The following GRM8 variants were observed in gnomAD, a reference collection of about 807,000 sequenced individuals.
The protein encoded by GRM8 is glutamate metabotropic receptor 8, also known as metabotropic glutamate receptor 8.
A neutral mutation model predicts 87.2 loss-of-function variants in GRM8; 47 were observed. The observed-to-expected ratio is 0.54, with a 90% CI of 0.43 to 0.69. GRM8 has a LOEUF of 0.69. Ranked by LOEUF, GRM8 falls within the 30% of genes least tolerant of loss-of-function variation. The pLI is 0.00. For missense variants in GRM8, 1,019 were observed against 1,139.2 expected (o/e 0.89, Z 1.52); for synonymous variants, 396 against 404.5 (o/e 0.98, Z 0.25).
rs538225521 is a variant in GRM8, at chr7:126,662,648, G to A, written c.1358-53150C>T. Among the ~76,000 whole-genome samples, 5 of 152,296 alleles carry A rather than the reference G, an allele frequency of 3.3e-5. No individual in the cohort carries two copies. In the East Asian group the frequency reaches 9.6e-4, roughly 29 times the overall value. On this transcript the variant is annotated intron_variant, in intron 7 of 10. Transcript: ENST00000339582. Reference sequence around the variant, plus strand: ...AAGGACAAATAGTACAGAGGAGAATGTTCCTAAACTTAGAGTCAGGAAAGC... The same window carrying A: ...AAGGACAAATAGTACAGAGGAGAATATTCCTAAACTTAGAGTCAGGAAAGC...
chr7:126,581,946 T>G (rs1475293369), intron 8 of GRM8, among the ~76,000 whole-genome samples: 2 of 152,124 alleles, frequency 1.3e-5, no homozygotes, highest in African/African-American at 4.8e-5. Context: ...ATACCTCTCT[T>G]TGGGCCTTGA....
At chr7:126,971,180 A>C (rs7801389) in intron 3 of GRM8, among the ~76,000 whole-genome samples, 2,202 of 133,162 alleles carry the variant, frequency 0.017, 45 homozygotes, top group African/African-American at 0.057. Flanking sequence ...AAAAAAAAAA[A>C]AAAACACTAT....
intron 8 of GRM8, among the ~76,000 whole-genome samples, chr7:126,559,229 T>G (rs1445156687): frequency 6.7e-6 from 1 of 149,340 alleles, no homozygotes; most frequent in Non-Finnish European, 1.5e-5. Context: ...CTCGGCTCAC[T>G]GCAACCTCCG....
At chr7:126,887,631 A>C (rs1202750886) in intron 6 of GRM8, among the ~76,000 whole-genome samples, 2 of 151,880 alleles carry the variant, frequency 1.3e-5, no homozygotes, top group Non-Finnish European at 2.9e-5. Flanking sequence ...GTCTACATAT[A>C]CCTCCCCCTC....
chr7:126,730,465 A>G (rs1585699003), intron 7 of GRM8, among the ~76,000 whole-genome samples: 2 of 152,290 alleles, frequency 1.3e-5, no homozygotes, highest in East Asian at 3.9e-4. Context: ...GCATATCAGG[A>G]TGTAAATTTG....
intron 3 of GRM8, among the ~76,000 whole-genome samples, chr7:126,988,735 G>A (rs1812355778): frequency 6.6e-6 from 1 of 152,092 alleles, no homozygotes; most frequent in African/African-American, 2.4e-5. Context: ...ATTTTATTTT[G>A]GATAACAGGA....
At chr7:127,059,646 A>AT (rs1206246256) in intron 3 of GRM8, among the ~76,000 whole-genome samples, 2 of 152,032 alleles carry the variant, frequency 1.3e-5, no homozygotes. Context: ...CATATAAATG[A>AT]TTTTTAAGAG....
intron 8 of GRM8, among the ~76,000 whole-genome samples, chr7:126,582,330 T>A (rs902900318): frequency 1.3e-5 from 2 of 152,162 alleles, no homozygotes; most frequent in East Asian, 3.8e-4. Flanking sequence ...GTCCTAATTC[T>A]TTTAAGTCTA....
Position 126,474,256 on chromosome 7 carries a change from G to T in GRM8, c.2431-27884C>A, listed in dbSNP as rs1805638577. 1.3e-5 allele frequency among the ~76,000 whole-genome samples: 2 copies of T among 148,586 alleles called. 1 individual carries two copies. Among genetic ancestry groups the T allele is most frequent in the Admixed American group, 1.4e-4 (2 of 14,608 alleles). ...CATTCATATATGTTTGTGCATGTGTGTGTGTGTGTGTGTATATATATATAT... is the reference window on the plus strand; with the variant it reads ...CATTCATATATGTTTGTGCATGTGTTTGTGTGTGTGTGTATATATATATAT... On this transcript the variant is annotated intron_variant, in intron 9 of 10. Transcript: ENST00000339582.
At chr7:126,621,980 G>C (rs141741757) in intron 7 of GRM8, among the ~76,000 whole-genome samples, 1 of 151,988 alleles carries the variant, frequency 6.6e-6, no homozygotes, top group East Asian at 1.9e-4. Context: ...ATCTTTCTAG[G>C]GAATACCCTC....
At chr7:126,515,468 G>T (rs1812032044) in intron 9 of GRM8, among the ~76,000 whole-genome samples, 1 of 151,918 alleles carries the variant, frequency 6.6e-6, no homozygotes. Flanking sequence ...GTTTCCTATT[G>T]CTGTTATAAC....
chr7:127,179,074 T>C (rs1050694961), intron 2 of GRM8, among the ~76,000 whole-genome samples: 1 of 152,166 alleles, frequency 6.6e-6, no homozygotes, highest in Non-Finnish European at 1.5e-5. Flanking sequence ...AACCACGGAA[T>C]GGATAAGAAC....
At chr7:127,243,848 G>GTTT (rs5887332) in intron 1 of GRM8, among the ~76,000 whole-genome samples, 1,653 of 141,010 alleles carry the variant, frequency 0.012, 26 homozygotes, top group African/African-American at 0.03. Context: ...TTTCAAATCT[G>GTTT]TTTTTTTTTT....
chr7:126,964,537 A>G (rs1202362815), intron 3 of GRM8, among the ~76,000 whole-genome samples: 6 of 152,232 alleles, frequency 3.9e-5, no homozygotes, highest in Admixed American at 3.3e-4. Flanking sequence ...ACATTTATGC[A>G]GCCAACAAAC....
intron 2 of GRM8, among the ~76,000 whole-genome samples, chr7:127,166,871 T>A (rs1793483794): frequency 6.6e-6 from 1 of 152,186 alleles, no homozygotes; most frequent in South Asian, 2.1e-4. Context: ...CTAGTATTGG[T>A]CACCTTCAAG....
At chr7:126,966,083 A>G (rs1441617709) in intron 3 of GRM8, among the ~76,000 whole-genome samples, 1 of 152,190 alleles carries the variant, frequency 6.6e-6, no homozygotes, top group Non-Finnish European at 1.5e-5. Flanking sequence ...CCATAAGAAT[A>G]TAAGAAATGA....
At position 127,065,762 on chromosome 7, in the gene GRM8, A is replaced by G. The variant is rs137921733; in HGVS notation, c.727+40734T>C. ...CCACAGTTGCAGAGCCCACCAGCGAAGTCTGGGACAGAGATGGTGGGGGCA... is the reference window on the plus strand; with the variant it reads ...CCACAGTTGCAGAGCCCACCAGCGAGGTCTGGGACAGAGATGGTGGGGGCA... On this transcript the variant is annotated intron_variant, in intron 3 of 10. Transcript: ENST00000339582. 8.1e-3 allele frequency among the ~76,000 whole-genome samples: 1,228 copies of G among 152,300 alleles called. 3 individuals are homozygous for G. The highest frequency in any genetic ancestry group is 0.013 in the Non-Finnish European group (908 of 68,020).
chr7:127,050,271 G>A (rs1819334792), intron 3 of GRM8, among the ~76,000 whole-genome samples: 1 of 152,122 alleles, frequency 6.6e-6, no homozygotes, highest in Admixed American at 6.6e-5. Flanking sequence ...CTGTGCGTGG[G>A]GGATGTGTGA....
At chr7:126,821,708 TC>T (rs141924474) in intron 6 of GRM8, among the ~76,000 whole-genome samples, 3,540 of 152,246 alleles carry the variant, frequency 0.023, 148 homozygotes, top group African/African-American at 0.081. Context: ...GTTCCCATAT[TC>T]CCCTTATCCT....
Sources: gnomAD v4.1 joint callset for allele counts (sites outside exome capture counted in the v4.1 genomes callset) on GRCh38, gnomAD v4.1.1 for gene constraint, MANE v1.5 for transcripts, NCBI Gene and HGNC (gene_info 2026-07-23, HGNC 2026-07-21) for gene names.